The following ARID4B variants were observed in gnomAD, a reference collection of about 807,000 sequenced individuals.
The protein encoded by ARID4B is AT-rich interaction domain 4B.
ARID4B carries 26 observed loss-of-function variants against 147.5 expected under a neutral mutation model. That is an observed-to-expected ratio of 0.18 (90% CI 0.13 to 0.24). ARID4B has a LOEUF of 0.24. Ranked by LOEUF, ARID4B falls within the 10% of genes least tolerant of loss-of-function variation. The pLI, the probability that ARID4B is intolerant of heterozygous loss-of-function variation, is 1.00. For missense variants in ARID4B, 1,179 were observed against 1,511.5 expected (o/e 0.78, Z 3.65); for synonymous variants, 512 against 507.9 (o/e 1.01, Z -0.11).
chr1:235,222,831 C>T (rs1267911108), intron 13 of ARID4B, among the ~76,000 whole-genome samples: 5 of 151,818 alleles, frequency 3.3e-5, no homozygotes, highest in East Asian at 1.9e-4. Flanking sequence ...TACAAGCGTG[C>T]GTCACCACGT....
chr1:235,322,322 G>A (rs1674899272), intron 2 of ARID4B, among the ~76,000 whole-genome samples: 1 of 151,968 alleles, frequency 6.6e-6, no homozygotes, highest in South Asian at 2.1e-4. Flanking sequence ...GCCTGGCCAA[G>A]AAAATTTTCG....
intron 17 of ARID4B, among the ~76,000 whole-genome samples, chr1:235,200,636 T>G (rs954480950): frequency 6.7e-6 from 1 of 148,278 alleles, no homozygotes; most frequent in African/African-American, 2.5e-5. Context: ...AAGCACAGGC[T>G]TCAAAGAAGA....
intron 2 of ARID4B, among the ~76,000 whole-genome samples, chr1:235,281,538 G>A (rs1398521100): frequency 2.0e-5 from 3 of 151,650 alleles, no homozygotes; most frequent in South Asian, 2.1e-4. Context: ...GCAACAGAGC[G>A]ACATTCCGTC....
At chr1:235,178,623 T>C (rs1290988133) in intron 20 of ARID4B, among the ~76,000 whole-genome samples, 1 of 152,214 alleles carries the variant, frequency 6.6e-6, no homozygotes, top group Non-Finnish European at 1.5e-5. Flanking sequence ...TACTCTGAAC[T>C]GTAGCATTTT....
intron 17 of ARID4B, among the ~76,000 whole-genome samples, chr1:235,210,747 C>T (rs1184166397): frequency 2.0e-5 from 3 of 152,134 alleles, no homozygotes; most frequent in African/African-American, 7.2e-5. Context: ...TAGATGGCAA[C>T]GTTCACAGTA....
intron 2 of ARID4B, among the ~76,000 whole-genome samples, chr1:235,274,760 C>T: frequency 6.6e-6 from 1 of 152,194 alleles, no homozygotes. Context: ...CTCAACTCAG[C>T]TATGGCTACG....
chr1:235,265,393 A>T (rs1670538565), intron 2 of ARID4B, among the ~76,000 whole-genome samples: 1 of 151,814 alleles, frequency 6.6e-6, no homozygotes, highest in Non-Finnish European at 1.5e-5. Context: ...AGTATAATAC[A>T]GTAATTAAGA....
intron 2 of ARID4B, among the ~76,000 whole-genome samples, chr1:235,316,325 T>A (rs1674427632): frequency 6.6e-6 from 1 of 151,404 alleles, no homozygotes; most frequent in African/African-American, 2.4e-5. Context: ...CTGGCCAACA[T>A]GGTGAAGCCT....
At chr1:235,194,537 G>C (rs1558188527) in intron 18 of ARID4B, among the ~76,000 whole-genome samples, 1 of 152,154 alleles carries the variant, frequency 6.6e-6, no homozygotes, top group East Asian at 1.9e-4. Context: ...ACTAAAAAAA[G>C]AGGCCAGGTG....
intron 2 of ARID4B, among the ~76,000 whole-genome samples, chr1:235,312,746 G>A (rs1674152503): frequency 6.6e-6 from 1 of 152,112 alleles, no homozygotes; most frequent in South Asian, 2.1e-4. Context: ...AGCCAAGGCA[G>A]GCGATCACCT....
chr1:235,266,627 C>T (rs1338166900), intron 2 of ARID4B, among the ~76,000 whole-genome samples: 1 of 152,142 alleles, frequency 6.6e-6, no homozygotes, highest in Non-Finnish European at 1.5e-5. Context: ...AAAGCATAAG[C>T]AATTTTAAAA....
chr1:235,256,247 G>A (rs1338438341), intron 4 of ARID4B, among the ~76,000 whole-genome samples: 2 of 150,126 alleles, frequency 1.3e-5, no homozygotes, highest in Non-Finnish European at 3.0e-5. Context: ...TGTTAATGTA[G>A]TAAAAAAGGC....
At position 235,181,376 on chromosome 1, in the gene ARID4B, G is replaced by T. The variant is rs1055381650; in HGVS notation, c.3334+209C>A. On this transcript the variant is annotated intron_variant, in intron 20 of 23. Coordinates refer to ENST00000264183, the MANE Select transcript of ARID4B (RefSeq NM_016374.6). ...GGTCCACAATAAAATGCCATGGATG[G>T]CTCAAGCAAAGCACATTAAAGCCTT... The T allele has an allele frequency of 6.4e-5, 47 of 739,516 alleles. No homozygotes were observed. The Admixed American group carries it at 9.0e-4, about 14-fold the overall frequency. The allele number at this position is 739,516 out of a possible 1,614,324, so 45.8% of individuals were successfully genotyped here. A position where few individuals can be genotyped will look rare whatever the true frequency, so the allele number is the denominator to read the frequency against.
chr1:235,260,468 T>A (rs1015796507), intron 3 of ARID4B, among the ~76,000 whole-genome samples, 174 bp downstream of exon 3: 1 of 152,228 alleles, frequency 6.6e-6, no homozygotes, highest in Non-Finnish European at 1.5e-5. Context: ...ATAATCTAAT[T>A]TCTTTCCAAT....
intron 1 of ARID4B, 182 bp downstream of exon 1, chr1:235,327,587 C>G (rs1572258440): frequency 6.6e-6 from 1 of 152,230 alleles, no homozygotes; most frequent in Admixed American, 6.5e-5. Context: ...GTGCGGCCGC[C>G]CAGCCAGGGG....
chr1:235,300,995 G>A (rs988438871), intron 2 of ARID4B, among the ~76,000 whole-genome samples: 2 of 150,698 alleles, frequency 1.3e-5, no homozygotes, highest in Non-Finnish European at 1.5e-5. Flanking sequence ...GATTATAGGC[G>A]TGAGCCACTA....
chr1:235,258,482 G>A (rs1670116035), intron 3 of ARID4B, among the ~76,000 whole-genome samples: 1 of 152,090 alleles, frequency 6.6e-6, no homozygotes, highest in Admixed American at 6.6e-5. Flanking sequence ...TCAGAGAATG[G>A]GAAACCAGAG....
At chr1:235,201,845 C>T (rs1172545900) in intron 17 of ARID4B, among the ~76,000 whole-genome samples, 1 of 151,876 alleles carries the variant, frequency 6.6e-6, no homozygotes, top group Admixed American at 6.6e-5. Context: ...GACTGCACTA[C>T]TGCACTCCAA....
intron 2 of ARID4B, among the ~76,000 whole-genome samples, chr1:235,268,881 C>G (rs1371552246): frequency 6.6e-6 from 1 of 152,158 alleles, no homozygotes; most frequent in African/African-American, 2.4e-5. Context: ...TCTGAAACAT[C>G]TTGTGTCAGA....
Sources: allele counts gnomAD v4.1 joint callset (sites outside exome capture counted in the v4.1 genomes callset), GRCh38; gene constraint gnomAD v4.1.1; transcripts MANE v1.5; gene names NCBI Gene and HGNC (gene_info 2026-07-23, HGNC 2026-07-21).